The following GPC5 variants were observed in gnomAD, a reference collection of about 807,000 sequenced individuals.
The protein encoded by GPC5 is glypican-5.
Under a neutral mutation model 53.9 loss-of-function variants are expected in GPC5, and 47 were observed. The observed-to-expected ratio is 0.87, with a 90% CI of 0.69 to 1.11. GPC5 has a LOEUF of 1.11. Among genes scored for constraint, GPC5 ranks in the 50% most tolerant of loss-of-function variants. GPC5 has a pLI of 0.00. For synonymous variants in GPC5, 286 were observed against 263.3 expected, an observed-to-expected ratio of 1.09 and a Z score of -0.84; for missense variants, 748 against 713.1, an observed-to-expected ratio of 1.05 and a Z score of -0.56.
At chr13:92,612,549 A>G (rs956036989) in intron 7 of GPC5, among the ~76,000 whole-genome samples, 2 of 152,108 alleles carry the variant, frequency 1.3e-5, no homozygotes, top group African/African-American at 4.8e-5. Flanking sequence ...TTTTGATACC[A>G]TCACATTTCC....
chr13:92,399,365 A>G (rs1318903246), intron 7 of GPC5, among the ~76,000 whole-genome samples: 1 of 152,198 alleles, frequency 6.6e-6, no homozygotes, highest in Non-Finnish European at 1.5e-5. Flanking sequence ...GGACTATCTG[A>G]TCTCATATAG....
chr13:92,312,286 G>T (rs2043150139), intron 7 of GPC5, among the ~76,000 whole-genome samples: 1 of 152,092 alleles, frequency 6.6e-6, no homozygotes, highest in African/African-American at 2.4e-5. Context: ...AGATGTGTGT[G>T]CTAATGGACT....
intron 7 of GPC5, among the ~76,000 whole-genome samples, chr13:92,689,535 G>A (rs1887332801): frequency 1.1e-5 from 1 of 93,768 alleles, no homozygotes; most frequent in African/African-American, 3.6e-5. Flanking sequence ...GCCAGTCTGT[G>A]TCTTTTAATT....
intron 2 of GPC5, among the ~76,000 whole-genome samples, chr13:91,552,349 C>T (rs898931026): frequency 1.2e-4 from 18 of 151,854 alleles, no homozygotes; most frequent in Non-Finnish European, 2.4e-4. Flanking sequence ...TTATATCTAA[C>T]GTGTAAGGAA....
chr13:92,345,989 A>C (rs2043408206), intron 7 of GPC5, among the ~76,000 whole-genome samples: 1 of 152,164 alleles, frequency 6.6e-6, no homozygotes, highest in Non-Finnish European at 1.5e-5. Flanking sequence ...TAAGGTAAGA[A>C]GTTCATTTTA....
intron 7 of GPC5, among the ~76,000 whole-genome samples, chr13:92,594,654 CAT>C (rs1454472342): frequency 1.3e-5 from 2 of 152,188 alleles, no homozygotes; most frequent in Non-Finnish European, 2.9e-5. Flanking sequence ...AATGGTGAAA[CAT>C]GTCTCAGGCT....
intron 6 of GPC5, among the ~76,000 whole-genome samples, chr13:91,963,187 G>C (rs2040142613): frequency 6.6e-6 from 1 of 152,106 alleles, no homozygotes; most frequent in Admixed American, 6.6e-5. Flanking sequence ...AAATTATAGA[G>C]CTGAGTAGTG....
At chr13:92,515,100 G>A (rs150002111) in intron 7 of GPC5, among the ~76,000 whole-genome samples, 1 of 152,168 alleles carries the variant, frequency 6.6e-6, no homozygotes, top group East Asian at 1.9e-4. Flanking sequence ...GGTAAAACCA[G>A]TAAAGAGAAT....
At chr13:92,280,757 G>T (rs1349376065) in intron 7 of GPC5, among the ~76,000 whole-genome samples, 1 of 152,046 alleles carries the variant, frequency 6.6e-6, no homozygotes, top group Non-Finnish European at 1.5e-5. Context: ...ATATGACGGG[G>T]TGCGGGGGGC....
chr13:92,452,113 G>C (rs754767538), intron 7 of GPC5, among the ~76,000 whole-genome samples: 5 of 152,120 alleles, frequency 3.3e-5, no homozygotes, highest in Non-Finnish European at 7.3e-5. Context: ...CCCTCATTGA[G>C]AGATAATTAA....
intron 7 of GPC5, among the ~76,000 whole-genome samples, chr13:92,800,129 G>C (rs1264741645): frequency 6.6e-6 from 1 of 151,730 alleles, no homozygotes; most frequent in Admixed American, 6.6e-5. Context: ...CATGTTCAAA[G>C]CTCCCAAACT....
chr13:92,493,787 A>G (rs544958861), intron 7 of GPC5, among the ~76,000 whole-genome samples: 1 of 152,306 alleles, frequency 6.6e-6, no homozygotes, highest in East Asian at 1.9e-4. Flanking sequence ...TAGCAATTCG[A>G]CAAGTCACTT....
intron 6 of GPC5, among the ~76,000 whole-genome samples, chr13:92,087,187 C>T (rs2041342540): frequency 6.6e-6 from 1 of 152,188 alleles, no homozygotes; most frequent in Non-Finnish European, 1.5e-5. Context: ...GAGTGTGATG[C>T]TTTCTTTAAT....
chr13:91,708,340 C>T (rs1479583615), intron 3 of GPC5, among the ~76,000 whole-genome samples: 4 of 151,480 alleles, frequency 2.6e-5, no homozygotes, highest in East Asian at 1.9e-4. Context: ...ATGTATATGT[C>T]GGAGTCCAGA....
chr13:91,821,387 T>C (rs1384799082), intron 5 of GPC5, among the ~76,000 whole-genome samples: 1 of 152,340 alleles, frequency 6.6e-6, no homozygotes, highest in East Asian at 1.9e-4. Flanking sequence ...TGGCATATTA[T>C]TGTATTGTCT....
At chr13:92,847,751 G>A (rs781157761) in intron 7 of GPC5, among the ~76,000 whole-genome samples, 5 of 151,872 alleles carry the variant, frequency 3.3e-5, no homozygotes, top group African/African-American at 7.3e-5. Flanking sequence ...TATAGCTAAC[G>A]TTTGTTGAGC....
intron 6 of GPC5, among the ~76,000 whole-genome samples, chr13:91,977,412 C>A (rs894725056): frequency 6.6e-6 from 1 of 152,182 alleles, no homozygotes; most frequent in African/African-American, 2.4e-5. Flanking sequence ...TGAAGACACC[C>A]TTTTTAGACA....
chr13:92,053,589 T>C (rs2041048432), intron 6 of GPC5, among the ~76,000 whole-genome samples: 2 of 152,154 alleles, frequency 1.3e-5, no homozygotes, highest in Admixed American at 1.3e-4. Flanking sequence ...TTTTGAAATG[T>C]TACTTAGATT....
intron 7 of GPC5, among the ~76,000 whole-genome samples, chr13:92,764,158 C>A (rs189121550): frequency 1.3e-5 from 2 of 152,262 alleles, no homozygotes; most frequent in East Asian, 1.9e-4. Flanking sequence ...TTAGCTCAGG[C>A]CGATGGACAA....
Sources: gnomAD v4.1 joint callset for allele counts (sites outside exome capture counted in the v4.1 genomes callset) on GRCh38, gnomAD v4.1.1 for gene constraint, MANE v1.5 for transcripts, NCBI Gene and HGNC (gene_info 2026-07-23, HGNC 2026-07-21) for gene names.